TIMM23: variants seen among roughly 807,000 people sequenced by gnomAD.
TIMM23 encodes the protein mitochondrial import inner membrane translocase subunit Tim23.
Under a neutral mutation model 30.7 loss-of-function variants are expected in TIMM23, and 19 were observed. The observed-to-expected ratio is 0.62, with a 90% confidence interval of 0.43 to 0.91. The LOEUF is 0.91. Among genes scored for constraint, TIMM23 ranks in the 40% least tolerant of loss-of-function variants. The pLI is 0.00. For missense variants in TIMM23, 202 were observed against 269.2 expected, an observed-to-expected ratio of 0.75 and a Z score of 1.75; for synonymous variants, 78 against 98.5, an observed-to-expected ratio of 0.79 and a Z score of 1.23.
chr10:45,977,859 C>G (rs1837720280), intron 2 of TIMM23, among the ~76,000 whole-genome samples: 1 of 151,826 alleles, frequency 6.6e-6, no homozygotes, highest in Non-Finnish European at 1.5e-5. Context: ...TGGTGAAACC[C>G]CATCTCTACT....
chr10:45,986,809 G>GTT (rs1838003589), intron 5 of TIMM23, among the ~76,000 whole-genome samples: 1 of 151,292 alleles, frequency 6.6e-6, no homozygotes, highest in African/African-American at 2.4e-5. Context: ...AAATACGTGT[G>GTT]TGTGTGTGTG....
chr10:45,988,846 A>C lies in TIMM23; in HGVS notation c.513A>C (p.Thr171=), dbSNP rs1311272910. 1 of 1,611,372 alleles carries C rather than the reference A, an allele frequency of 6.2e-7. No individual in the cohort carries two copies. The highest frequency in any genetic ancestry group is 8.5e-7 in the Non-Finnish European group (1 of 1,177,654). ...GTMTGMLYKC[T]GGLRGIARGG... is the part of the protein sequence containing the mutation. Reference sequence around the variant, plus strand: ...TGACAGGCATGTTGTATAAATGTACAGGTGAGTACTGTTGAATGGGGAGCC... The same window carrying C: ...TGACAGGCATGTTGTATAAATGTACCGGTGAGTACTGTTGAATGGGGAGCC... The change falls in exon 6 of 7, where the codon ACA becomes ACC. Residue 171 remains threonine, a splice_region_variant and synonymous_variant. Transcript: ENST00000580018.
intron 6 of TIMM23, among the ~76,000 whole-genome samples, chr10:45,989,258 C>T (rs1286669169): frequency 6.6e-6 from 1 of 152,158 alleles, no homozygotes; most frequent in Non-Finnish European, 1.5e-5. Context: ...GCTTATTTTA[C>T]GTAGCATAAT....
At chr10:46,002,991 T>C (rs782186786) in intron 6 of TIMM23, among the ~76,000 whole-genome samples, 3 of 151,856 alleles carry the variant, frequency 2.0e-5, no homozygotes, top group Non-Finnish European at 4.4e-5. Context: ...CCCAGCCAAT[T>C]TTTTTGAATT....
At chr10:45,981,084 G>A (rs1481439459) in intron 2 of TIMM23, among the ~76,000 whole-genome samples, 28 of 148,090 alleles carry the variant, frequency 1.9e-4, no homozygotes, top group African/African-American at 5.5e-4. Context: ...GACTACAGGC[G>A]CACACTGCCA....
intron 2 of TIMM23, among the ~76,000 whole-genome samples, chr10:45,978,419 G>T (rs1590111844): frequency 6.6e-6 from 1 of 152,104 alleles, no homozygotes; most frequent in East Asian, 1.9e-4. Context: ...ATCTGATAAG[G>T]AATTTATATC....
At chr10:45,978,311 A>T (rs1259943776) in intron 2 of TIMM23, among the ~76,000 whole-genome samples, 14 of 152,152 alleles carry the variant, frequency 9.2e-5, no homozygotes, top group Admixed American at 6.5e-4. Flanking sequence ...CAAACCACTT[A>T]ACTCCAGCCT....
rs1402255097 is a variant in TIMM23 at position 45,994,777 on chromosome 10, A to T, written c.514+5930A>T. 9.9e-4 allele frequency among the ~76,000 whole-genome samples: 150 copies of T among 151,268 alleles called. 1 individual carries two copies. Among genetic ancestry groups the T allele is most frequent in the African/African-American group, 3.4e-3 (139 of 41,152 alleles). ...TTAAATTTCTGTATTTAAAGAGTAC[A>T]TTGGGGATTGGAAATAGTTTAGATC... On this transcript the variant is annotated intron_variant, in intron 6 of 6. Coordinates refer to ENST00000580018, the MANE Select transcript of TIMM23 (RefSeq NM_006327.4).
At chr10:45,989,246 T>G (rs1239866565) in intron 6 of TIMM23, among the ~76,000 whole-genome samples, 1 of 152,220 alleles carries the variant, frequency 6.6e-6, no homozygotes, top group Admixed American at 6.5e-5. Flanking sequence ...CTTTTTTGAT[T>G]GGCTTATTTT....
chr10:45,975,805 G>T (rs1346217810), intron 2 of TIMM23, among the ~76,000 whole-genome samples: 3 of 152,136 alleles, frequency 2.0e-5, no homozygotes, highest in African/African-American at 7.2e-5. Context: ...TTGTTTGTTT[G>T]TTTGTTTGTT....
Position 45,985,267 on chromosome 10 carries a change from A to C in TIMM23, c.345-116A>C, listed in dbSNP as rs1362633305. On this transcript the variant is annotated intron_variant, in intron 4 of 6. Coordinates refer to ENST00000580018, the MANE Select transcript of TIMM23 (RefSeq NM_006327.4). ...CGGAGATATTAAGATGTATTTTAGA[A>C]TTTAAAAAACTTTGCGCCCTGGGTC... 4.6e-5 allele frequency: 46 copies of C among 995,456 alleles called. No homozygotes were observed. In the African/African-American group the frequency reaches 7.6e-4, roughly 16 times the overall value. The allele number at this position is 995,456 out of a possible 1,614,324, so 61.7% of individuals were successfully genotyped here. A position where few individuals can be genotyped will look rare whatever the true frequency, so the allele number is the denominator to read the frequency against.
chr10:45,993,244 C>CTTTTT lies in TIMM23; in HGVS notation c.514+4410_514+4414dup, dbSNP rs782013689. ...TTGCCAGTGTGAGCATCTACCATCACTTTTTTTTTTTTTTTTTGGAGACTG... is the reference window on the plus strand; with the variant it reads ...TTGCCAGTGTGAGCATCTACCATCACTTTTTTTTTTTTTTTTTTTTTTGGAGACTG... On this transcript the variant is annotated intron_variant, in intron 6 of 6. Coordinates refer to ENST00000580018, the MANE Select transcript of TIMM23 (RefSeq NM_006327.4). Among the ~76,000 whole-genome samples the CTTTTT allele has an allele frequency of 4.0e-3, 291 of 72,038 alleles. 37 individuals are homozygous for CTTTTT. Among genetic ancestry groups the CTTTTT allele is most frequent in the East Asian group, 0.02 (54 of 2,642 alleles). The allele number at this position is 72,038 out of a possible 152,430, so 47.3% of individuals were successfully genotyped here.
At position 45,997,445 on chromosome 10, in the gene TIMM23, TGGGATG is replaced by T. The variant is rs1434515259; in HGVS notation, c.515-5754_515-5749del. 3.5e-4 allele frequency among the ~76,000 whole-genome samples: 54 copies of T among 152,244 alleles called. 5 individuals are homozygous for T. Among genetic ancestry groups the T allele is most frequent in the Admixed American group, 2.7e-3 (41 of 15,288 alleles). On this transcript the variant is annotated intron_variant, in intron 6 of 6. Coordinates refer to ENST00000580018, the MANE Select transcript of TIMM23 (RefSeq NM_006327.4). ...GAAAAAAAGTAGAATGGAAGACGGC[TGGGATG>T]GGGTGTAGTTATTGCTAAATGGGCA...
intron 2 of TIMM23, among the ~76,000 whole-genome samples, chr10:45,981,985 G>T (rs1164380415): frequency 1.3e-5 from 2 of 152,068 alleles, no homozygotes; most frequent in African/African-American, 4.8e-5. Context: ...TAGAAATAGG[G>T]TCTATAGCTT....
chr10:45,985,717 T>C (rs1198078968), intron 5 of TIMM23, among the ~76,000 whole-genome samples: 1 of 152,244 alleles, frequency 6.6e-6, no homozygotes, highest in Non-Finnish European at 1.5e-5. Flanking sequence ...AATAAAATCA[T>C]GTTTAAATGA....
intron 3 of TIMM23, 28 bp downstream of exon 3, chr10:45,982,644 A>T: frequency 6.2e-7 from 1 of 1,613,402 alleles, no homozygotes; most frequent in Admixed American, 1.7e-5. Flanking sequence ...TTTTCTCAAG[A>T]GTGCTCAGTT....
In TIMM23 at chr10:45,972,834, C is replaced by T. The variant is rs376526863; in HGVS notation, c.106+104C>T. Reference sequence around the variant, plus strand: ...TTGTTGTTTTTTTTTTCCTTGCTGGCATTTACAAGCTTAAGTACCAGTGGT... The same window carrying T: ...TTGTTGTTTTTTTTTTCCTTGCTGGTATTTACAAGCTTAAGTACCAGTGGT... On this transcript the variant is annotated intron_variant, in intron 1 of 6. Coordinates refer to ENST00000580018, the MANE Select transcript of TIMM23 (RefSeq NM_006327.4). 2.5e-3 allele frequency: 3,832 copies of T among 1,542,776 alleles called. 27 individuals carry two copies. The highest frequency in any genetic ancestry group is 0.014 in the East Asian group (576 of 40,944).
intron 6 of TIMM23, among the ~76,000 whole-genome samples, chr10:46,002,855 A>C (rs888552312): frequency 1.6e-4 from 18 of 114,900 alleles, no homozygotes; most frequent in African/African-American, 5.6e-4. Context: ...CACTTGTCTC[A>C]TCCTGTCGCC....
At chr10:46,002,770 A>G (rs1325639546) in intron 6 of TIMM23, among the ~76,000 whole-genome samples, 2 of 150,406 alleles carry the variant, frequency 1.3e-5, no homozygotes, top group Non-Finnish European at 3.0e-5. Flanking sequence ...TTGAGATGGA[A>G]TATTGATTTA....
Sources: gnomAD v4.1 joint callset for allele counts (sites outside exome capture counted in the v4.1 genomes callset) on GRCh38, gnomAD v4.1.1 for gene constraint, MANE v1.5 for transcripts, NCBI Gene and HGNC (gene_info 2026-07-23, HGNC 2026-07-21) for gene names.